Variants in IQGAP2 observed in about 807,000 individuals in gnomAD.
IQGAP2 encodes the protein IQ motif containing GTPase activating protein 2.
In IQGAP2, 173 loss-of-function variants were observed where a neutral mutation model predicts 201.3. That is an observed-to-expected ratio of 0.86 (90% CI 0.76 to 0.98). The LOEUF (loss-of-function observed/expected upper bound fraction) is 0.98, where lower values mean the gene tolerates loss of function less well. Among genes scored for constraint, IQGAP2 ranks in the 50% least tolerant of loss-of-function variants. The pLI is 0.00. For missense variants in IQGAP2, 1,687 were observed against 1,864.8 expected (o/e 0.90, Z 1.76); for synonymous variants, 675 against 673.9 (o/e 1.00, Z -0.03).
chr5:76,626,821 A>G (rs1750283777), intron 13 of IQGAP2, among the ~76,000 whole-genome samples: 1 of 152,150 alleles, frequency 6.6e-6, no homozygotes, highest in South Asian at 2.1e-4. Context: ...AGTAGGTAGC[A>G]TTTGAGTTGA....
intron 6 of IQGAP2, 39 bp downstream of exon 6, chr5:76,589,012 T>A: frequency 1.4e-6 from 2 of 1,416,874 alleles, no homozygotes; most frequent in Non-Finnish European, 2.0e-6. Context: ...ACAATCTAGT[T>A]ATAAAAAGTA....
intron 13 of IQGAP2, among the ~76,000 whole-genome samples, chr5:76,626,270 C>CTTTTTTTTTTTTTTTT (rs34251090): frequency 1.8e-3 from 152 of 83,652 alleles, no homozygotes; most frequent in Non-Finnish European, 2.1e-3. Flanking sequence ...TTCTTCTTTT[C>CTTTTTTTTTTTTTTTT]TTTTTTTTTT....
At chr5:76,525,854 TA>T (rs1327347392) in intron 2 of IQGAP2, among the ~76,000 whole-genome samples, 1 of 152,210 alleles carries the variant, frequency 6.6e-6, no homozygotes, top group African/African-American at 2.4e-5. Flanking sequence ...GTGATGGGCA[TA>T]AATGATATTT....
chr5:76,471,682 T>G (rs1287489535), intron 2 of IQGAP2, among the ~76,000 whole-genome samples: 1 of 148,988 alleles, frequency 6.7e-6, no homozygotes, highest in East Asian at 1.9e-4. Flanking sequence ...CATGAGTTGC[T>G]TAACAGTCAA....
chr5:76,416,752 T>G (rs1751428223), intron 1 of IQGAP2, among the ~76,000 whole-genome samples: 1 of 152,098 alleles, frequency 6.6e-6, no homozygotes, highest in Admixed American at 6.5e-5. Flanking sequence ...GGTCTCAAAC[T>G]CCTGACCTCG....
At chr5:76,611,621 TA>T (rs1239433892) in intron 13 of IQGAP2, among the ~76,000 whole-genome samples, 1 of 152,166 alleles carries the variant, frequency 6.6e-6, no homozygotes, top group Non-Finnish European at 1.5e-5. Flanking sequence ...CAAGTAATAG[TA>T]AAGATAAGGG....
intron 26 of IQGAP2, 55 bp from the exon 27 acceptor site, chr5:76,674,422 A>G (rs1186825139): frequency 1.9e-6 from 2 of 1,071,514 alleles, no homozygotes; most frequent in East Asian, 2.4e-5. Flanking sequence ...AAAGAAAACT[A>G]AAACTCTTGA....
At chr5:76,515,899 A>G (rs9293686) in intron 2 of IQGAP2, among the ~76,000 whole-genome samples, 99,850 of 133,086 alleles carry the variant, frequency 0.75, 37,521 homozygotes, top group East Asian at 0.96. Context: ...TTTTTTTGAG[A>G]TAGAGTCTTA....
In IQGAP2 at chr5:76,461,631, T is replaced by C. The variant is rs767577956; in HGVS notation, c.108T>C (p.Ile36=). The C allele has an allele frequency of 6.2e-7, 1 of 1,613,916 alleles. No individual in the cohort carries two copies. The highest frequency in any genetic ancestry group is 1.3e-5 in the African/African-American group (1 of 74,906). The change falls in exon 2 of 36, where the codon ATT becomes ATC. Residue 36 remains isoleucine (I), a synonymous_variant. Coordinates refer to ENST00000274364, the MANE Select transcript of IQGAP2 (RefSeq NM_006633.5). ...EEMDERRRQN[I]AYEYLCHLEE... is the part of the protein sequence containing the mutation. ...TGGATGAGAGGAGGCGGCAGAACAT[T>C]GCTTATGAATATCTGTGCCACTTAG...
intron 2 of IQGAP2, among the ~76,000 whole-genome samples, chr5:76,464,066 T>A (rs1428482158): frequency 6.6e-6 from 1 of 152,152 alleles, no homozygotes; most frequent in Non-Finnish European, 1.5e-5. Flanking sequence ...CAGGCTGGTC[T>A]CGAACTCCTG....
intron 2 of IQGAP2, among the ~76,000 whole-genome samples, chr5:76,515,705 G>T (rs1248036944): frequency 2.0e-5 from 3 of 152,134 alleles, no homozygotes; most frequent in African/African-American, 7.2e-5. Context: ...ATGTGAAACG[G>T]CAAAACTCCA....
At chr5:76,617,320 G>A in intron 13 of IQGAP2, 1 of 349,706 alleles carries the variant, frequency 2.9e-6, no homozygotes, top group Non-Finnish European at 5.2e-6. Flanking sequence ...GCATGGTGGT[G>A]TAATCCCAGC....
intron 3 of IQGAP2, among the ~76,000 whole-genome samples, chr5:76,567,490 A>G (rs1216741978): frequency 1.3e-5 from 2 of 152,220 alleles, no homozygotes; most frequent in Admixed American, 6.5e-5. Context: ...GTGAGGCACA[A>G]AATGATCCAT....
intron 2 of IQGAP2, among the ~76,000 whole-genome samples, chr5:76,530,385 A>G (rs184090649): frequency 6.5e-4 from 99 of 152,326 alleles, no homozygotes; most frequent in African/African-American, 2.3e-3. Flanking sequence ...TGTGAAAAGA[A>G]AGTTTACCCA....
chr5:76,554,490 T>A (rs192901592), intron 2 of IQGAP2, among the ~76,000 whole-genome samples: 5 of 152,238 alleles, frequency 3.3e-5, no homozygotes, highest in African/African-American at 1.2e-4. Context: ...ATAATTCAAC[T>A]AAAACATGAG....
intron 2 of IQGAP2, among the ~76,000 whole-genome samples, chr5:76,517,745 CGA>C (rs1758426825): frequency 6.6e-6 from 1 of 151,810 alleles, no homozygotes; most frequent in Non-Finnish European, 1.5e-5. Flanking sequence ...CCATCGCATA[CGA>C]GTATGCGATT....
intron 32 of IQGAP2, among the ~76,000 whole-genome samples, 198 bp from the exon 33 acceptor site, chr5:76,697,789 T>TA (rs1746891267): frequency 6.6e-6 from 1 of 152,198 alleles, no homozygotes; most frequent in African/African-American, 2.4e-5. Flanking sequence ...TAAAGTGAAA[T>TA]ATGTACACTT....
chr5:76,517,937 C>T lies in IQGAP2; in HGVS notation c.147-44459C>T, dbSNP rs149555720. 4.0e-4 allele frequency among the ~76,000 whole-genome samples: 61 copies of T among 152,152 alleles called. 3 individuals carry two copies. The East Asian group carries it at 9.9e-3, about 25-fold the overall frequency. ...GACATACCTGAGACTGGGCAATTTA[C>T]GAAATAAAGACGTTTATTTTATTTT... On this transcript the variant is annotated intron_variant, in intron 2 of 35. Transcript: ENST00000274364.
intron 2 of IQGAP2, among the ~76,000 whole-genome samples, chr5:76,522,567 G>A (rs536748776): frequency 6.6e-6 from 1 of 152,246 alleles, no homozygotes; most frequent in Non-Finnish European, 1.5e-5. Context: ...TTTCATTTAG[G>A]CATGCTAAAT....
Sources: gnomAD v4.1 joint callset for allele counts (sites outside exome capture counted in the v4.1 genomes callset) on GRCh38, gnomAD v4.1.1 for gene constraint, MANE v1.5 for transcripts, NCBI Gene and HGNC (gene_info 2026-07-23, HGNC 2026-07-21) for gene names.